Variants in GORAB observed in about 807,000 individuals in gnomAD.
GORAB encodes the protein RAB6-interacting golgin.
A neutral mutation model predicts 29.9 loss-of-function variants in GORAB; 17 were observed. The observed-to-expected ratio is 0.57, with a 90% confidence interval of 0.39 to 0.85. The LOEUF (loss-of-function observed/expected upper bound fraction) is 0.85, where lower values mean the gene tolerates loss of function less well. Ranked by LOEUF, GORAB falls within the 40% of genes least tolerant of loss-of-function variation. The pLI is 0.00. For missense variants in GORAB, 442 were observed against 437.8 expected, an observed-to-expected ratio of 1.01 and a Z score of -0.09; for synonymous variants, 183 against 157.2, an observed-to-expected ratio of 1.16 and a Z score of -1.23.
At position 170,534,529 on chromosome 1, in the gene GORAB, C is replaced by G. The variant is rs74552741; in HGVS notation, c.61+2245C>G. On this transcript the variant is annotated intron_variant, in intron 1 of 4. Coordinates refer to ENST00000367763, the MANE Select transcript of GORAB (RefSeq NM_152281.3). Reference sequence around the variant, plus strand: ...GCTGTATATATAATATATACAGTCACGCACTCAATAACAGTATTTCAGTTA... The same window carrying G: ...GCTGTATATATAATATATACAGTCAGGCACTCAATAACAGTATTTCAGTTA... Among the ~76,000 whole-genome samples, 3 of 152,100 alleles carry G rather than the reference C, an allele frequency of 2.0e-5. No individual in the cohort carries two copies. In the East Asian group the frequency reaches 5.8e-4, roughly 29 times the overall value.
In GORAB at chr1:170,552,400, T is replaced by TTTC; in HGVS notation, c.1051_1053dup (p.Leu351dup). 1.2e-6 allele frequency: 2 copies of TTTC among 1,614,092 alleles called. No homozygotes were observed. The highest frequency in any genetic ancestry group is 4.5e-5 in the East Asian group (2 of 44,882). On this transcript the variant is annotated inframe_insertion, in exon 5 of 5. Coordinates refer to ENST00000367763, the MANE Select transcript of GORAB (RefSeq NM_152281.3). ...GTGTGGAAATTCCAGTAGCATCCCC[T>TTTC]TTCTTAGTCCAAACTGCCCAAATCA...
At chr1:170,532,538 G>T in intron 1 of GORAB, 1 of 481,412 alleles carries the variant, frequency 2.1e-6, no homozygotes, top group Non-Finnish European at 3.8e-6. Flanking sequence ...TTTGACTCTT[G>T]TGAAAGGAAT....
At chr1:170,545,736 T>G (rs560064954) in intron 4 of GORAB, 1 of 985,182 alleles carries the variant, frequency 1.0e-6, no homozygotes, top group Non-Finnish European at 1.2e-6. Flanking sequence ...AACAATTTAT[T>G]AAAGCGGAAA....
At chr1:170,545,802 T>A in intron 4 of GORAB, 1 of 943,600 alleles carries the variant, frequency 1.1e-6, no homozygotes, top group Non-Finnish European at 1.3e-6. Flanking sequence ...GTCTTGTGGT[T>A]GTCCTTGTGA....
chr1:170,552,073 A>G lies in GORAB; in HGVS notation c.721A>G (p.Lys241Glu). The change falls in exon 5 of 5, where the codon AAG becomes GAG. Residue 241 changes from lysine (K) to glutamate (E), a missense_variant. By Grantham distance (56) the Lys-to-Glu change is moderately conservative. Transcript: ENST00000367763. ...TGCAGCAAAGCTAGATATACAGCGC[A>G]AGACTGAGATAAAAGAGCAACTCAC... ...YIAAKLDIQR[K>E]TEIKEQLTEH... The G allele has an allele frequency of 1.9e-6, 3 of 1,614,100 alleles. No homozygotes were observed. The highest frequency in any genetic ancestry group is 2.5e-6 in the Non-Finnish European group (3 of 1,179,964).
chr1:170,533,627 T>C (rs1648857133), intron 1 of GORAB: 1 of 440,464 alleles, frequency 2.3e-6, no homozygotes, highest in African/African-American at 2.0e-5. Context: ...AAAGTTTGTG[T>C]GTTAGCAGAG....
chr1:170,551,248 A>G (rs574684692), intron 4 of GORAB, among the ~76,000 whole-genome samples: 1 of 152,320 alleles, frequency 6.6e-6, no homozygotes, highest in East Asian at 1.9e-4. Context: ...GCTGTTTAGC[A>G]TCTTGCAGTG....
At chr1:170,538,981 A>G (rs1254682452) in intron 1 of GORAB, 10 of 562,378 alleles carry the variant, frequency 1.8e-5, no homozygotes, top group Non-Finnish European at 3.1e-5. Context: ...TTCTCTGAAG[A>G]TAAATTAAGA....
chr1:170,539,967 C>CT (rs769148399), intron 2 of GORAB, among the ~76,000 whole-genome samples: 440 of 137,292 alleles, frequency 3.2e-3, no homozygotes, highest in African/African-American at 6.0e-3. Flanking sequence ...TTTTTTCTTT[C>CT]TTTTTTTTTT....
rs1001329969 is a variant in GORAB, at chr1:170,532,169, G to C, written c.-55G>C. ...CCCGGATGAGCTGGGCAGCAGTGTT[G>C]GCAGTCGCGGCTGCGAGATTTGGGC... On this transcript the variant is annotated 5_prime_UTR_variant, in exon 1 of 5. Coordinates refer to ENST00000367763, the MANE Select transcript of GORAB (RefSeq NM_152281.3). 5.6e-6 allele frequency: 9 copies of C among 1,613,294 alleles called. No individual in the cohort carries two copies. The Admixed American group carries it at 8.3e-5, about 15-fold the overall frequency.
rs185701616 is a variant in GORAB at position 170,544,696 on chromosome 1, A to T, written c.522-9A>T. ...TCTTATTTTCCCACTCACATACCTG[A>T]TTTTCTAGATCCAAAAGAACTCAGG... On this transcript the variant is annotated splice_polypyrimidine_tract_variant and intron_variant, in intron 3 of 4. Coordinates refer to ENST00000367763, the MANE Select transcript of GORAB (RefSeq NM_152281.3). The T allele has an allele frequency of 8.1e-5, 130 of 1,613,604 alleles. 1 individual carries two copies. The East Asian group carries it at 2.5e-3, about 31-fold the overall frequency.
At position 170,538,610 on chromosome 1, in the gene GORAB, C is replaced by T. The variant is rs75535024; in HGVS notation, c.62-600C>T. 4.9e-3 allele frequency among the ~76,000 whole-genome samples: 748 copies of T among 152,220 alleles called. 9 individuals carry two copies. The highest frequency in any genetic ancestry group is 0.017 in the African/African-American group (709 of 41,554). ...CATTGATTAGAGCCTGACTAGGCTT[C>T]GGGGAGTACAACCTTGGATTGTTCT... On this transcript the variant is annotated intron_variant, in intron 1 of 4. Coordinates refer to ENST00000367763, the MANE Select transcript of GORAB (RefSeq NM_152281.3).
intron 4 of GORAB, among the ~76,000 whole-genome samples, chr1:170,549,309 G>A (rs976307687): frequency 2.0e-5 from 3 of 152,142 alleles, no homozygotes; most frequent in South Asian, 4.1e-4. Context: ...TGCAGTTTGT[G>A]AAACTAATCA....
In GORAB at chr1:170,552,232, C is replaced by T. The variant is rs1473362597; in HGVS notation, c.880C>T (p.His294Tyr). Residue 294 changes from histidine (H) to tyrosine (Y), a missense_variant, in exon 5 of 5, where the codon CAC becomes TAC. His to Tyr is a moderately conservative substitution (Grantham distance 83). Transcript: ENST00000367763. ...ELEVEVERLL[H>Y]EQEVESRRPV... is the part of the protein sequence containing the mutation. ...TGAGGTGGAGGTCGAGAGATTGCTACACGAACAAGAAGTAGAATCAAGGAG... is the reference window on the plus strand; with the variant it reads ...TGAGGTGGAGGTCGAGAGATTGCTATACGAACAAGAAGTAGAATCAAGGAG... The T allele has an allele frequency of 2.5e-6, 4 of 1,613,958 alleles. No homozygotes were observed. Among genetic ancestry groups the T allele is most frequent in the African/African-American group, 1.3e-5 (1 of 74,918 alleles).
chr1:170,545,566 T>C, intron 4 of GORAB: 1 of 985,368 alleles, frequency 1.0e-6, no homozygotes, highest in East Asian at 1.1e-4. Context: ...ATTTCAGGGT[T>C]TTCAGCCCTT....
intron 2 of GORAB, among the ~76,000 whole-genome samples, chr1:170,540,717 A>C (rs775489381): frequency 2.0e-5 from 3 of 152,230 alleles, no homozygotes; most frequent in Non-Finnish European, 4.4e-5. Flanking sequence ...AGGGAAACTT[A>C]TTCTTTTTTT....
chr1:170,540,713 A>G (rs554476662), intron 2 of GORAB, among the ~76,000 whole-genome samples: 1 of 152,316 alleles, frequency 6.6e-6, no homozygotes, highest in African/African-American at 2.4e-5. Context: ...TTATAGGGAA[A>G]CTTATTCTTT....
intron 4 of GORAB, among the ~76,000 whole-genome samples, chr1:170,551,781 G>T (rs570498690): frequency 1.3e-5 from 2 of 152,150 alleles, no homozygotes; most frequent in African/African-American, 4.8e-5. Flanking sequence ...GAAAACATTC[G>T]TGCAGAATAA....
chr1:170,534,826 T>A (rs1571237643), intron 1 of GORAB, among the ~76,000 whole-genome samples: 1 of 152,170 alleles, frequency 6.6e-6, no homozygotes, highest in East Asian at 1.9e-4. Flanking sequence ...TCTTAGAATG[T>A]ATCCCTTTGT....
Sources: allele counts gnomAD v4.1 joint callset (sites outside exome capture counted in the v4.1 genomes callset), GRCh38; gene constraint gnomAD v4.1.1; transcripts MANE v1.5; gene names NCBI Gene and HGNC (gene_info 2026-07-23, HGNC 2026-07-21).